Variants in SMYD3 observed in about 807,000 individuals in gnomAD.
SMYD3 encodes the protein SET and MYND domain containing 3.
A neutral mutation model predicts 57.7 loss-of-function variants in SMYD3; 36 were observed. The observed-to-expected ratio is 0.62, with a 90% CI of 0.48 to 0.82. The LOEUF (loss-of-function observed/expected upper bound fraction) is 0.82. Among genes scored for constraint, SMYD3 ranks in the 40% least tolerant of loss-of-function variants. SMYD3 has a pLI of 0.00. For missense variants in SMYD3, 515 were observed against 538.8 expected (o/e 0.96, Z 0.44); for synonymous variants, 211 against 195.0 (o/e 1.08, Z -0.68).
At chr1:246,333,477 G>A (rs769705198) in intron 3 of SMYD3, among the ~76,000 whole-genome samples, 1 of 152,246 alleles carries the variant, frequency 6.6e-6, no homozygotes, top group Admixed American at 6.5e-5. Context: ...TTACAGAATC[G>A]AAGAAAATAT....
intron 5 of SMYD3, among the ~76,000 whole-genome samples, chr1:246,200,657 C>T (rs529874140): frequency 3.3e-5 from 5 of 152,236 alleles, no homozygotes; most frequent in Non-Finnish European, 5.9e-5. Context: ...CAAGAATGTA[C>T]ACAGACGCCC....
chr1:246,248,583 A>AGC (rs2063745531), intron 5 of SMYD3, among the ~76,000 whole-genome samples: 1 of 148,724 alleles, frequency 6.7e-6, no homozygotes. Flanking sequence ...GTCTGAGTGT[A>AGC]GCTCCATCTA....
rs557531066 is a variant in SMYD3, at chr1:246,063,206, A to G, written c.532-133269T>C. On this transcript the variant is annotated intron_variant, in intron 5 of 11. Transcript: ENST00000490107. ...GAGAAGTCTGTGGAAACAGAGTGGG[A>G]GCCTCCAAGGGCCTTCCCCCAGGGA... is the stretch of plus-strand genomic sequence containing the variant. Among the ~76,000 whole-genome samples the G allele has an allele frequency of 4.6e-5, 7 of 152,306 alleles. No individual in the cohort carries two copies. In the East Asian group the frequency reaches 1.4e-3, roughly 29 times the overall value.
intron 5 of SMYD3, among the ~76,000 whole-genome samples, chr1:246,278,247 A>G (rs2064373093): frequency 6.6e-6 from 1 of 151,618 alleles, no homozygotes; most frequent in South Asian, 2.1e-4. Context: ...TTTAAGAAAA[A>G]AAAAAAAGCT....
chr1:246,276,478 G>C (rs1332840612), intron 5 of SMYD3, among the ~76,000 whole-genome samples: 9 of 134,850 alleles, frequency 6.7e-5, no homozygotes, highest in South Asian at 4.8e-4. Flanking sequence ...TTTAATGTCT[G>C]TAGTGGAGTC....
rs746439301 is a variant in SMYD3 at position 245,858,572 on chromosome 1, C to T, written c.1000G>A (p.Ala334Thr). 2.2e-5 allele frequency: 35 copies of T among 1,614,068 alleles called. No homozygotes were observed. Among genetic ancestry groups the T allele is most frequent in the South Asian group, 4.4e-5 (4 of 91,088 alleles). ...NIYQLKVLDC[A>T]MDACINLGLL... ...CCGAGGTTGATGCAGGCATCCATGG[C>T]GCAGTCGAGCACCTTCAGCTGGTAG... Residue 334 changes from alanine (A) to threonine (T), a missense_variant, in exon 10 of 12, where the codon GCC becomes ACC. Transcript: ENST00000490107.
At chr1:245,833,076 C>CAAAAAAAAAAAAAA (rs2049940389) in intron 10 of SMYD3, among the ~76,000 whole-genome samples, 1 of 82,510 alleles carries the variant, frequency 1.2e-5, no homozygotes. Context: ...AAAAAAAAAA[C>CAAAAAAAAAAAAAA]CTGCTTTTAT....
At chr1:246,504,156 TA>T (rs1194709619) in intron 1 of SMYD3, among the ~76,000 whole-genome samples, 6 of 152,042 alleles carry the variant, frequency 3.9e-5, no homozygotes, top group Non-Finnish European at 8.8e-5. Flanking sequence ...TATACAGAAC[TA>T]AAGCTACTAA....
intron 1 of SMYD3, among the ~76,000 whole-genome samples, chr1:246,430,178 C>T (rs1378403498): frequency 6.6e-6 from 1 of 151,982 alleles, no homozygotes; most frequent in Admixed American, 6.6e-5. Context: ...ATATGACTGG[C>T]AAGTACTAAA....
intron 10 of SMYD3, among the ~76,000 whole-genome samples, chr1:245,830,426 G>A (rs2049766562): frequency 6.6e-6 from 1 of 152,148 alleles, no homozygotes. Flanking sequence ...GAACAGTATG[G>A]GGGAAACTGC....
chr1:246,002,594 AGGCGCCCGCCACCACGCCC>A, intron 5 of SMYD3, among the ~76,000 whole-genome samples: 1 of 131,710 alleles, frequency 7.6e-6, no homozygotes, highest in Non-Finnish European at 1.6e-5. Flanking sequence ...CTGGGATTAC[AGGCGCCCGCCACCACGCCC>A]GGCTAATTTT....
chr1:246,378,303 G>T (rs867342873), intron 1 of SMYD3, among the ~76,000 whole-genome samples: 2 of 152,238 alleles, frequency 1.3e-5, no homozygotes, highest in South Asian at 4.1e-4. Context: ...TGGATTGAAG[G>T]ATTGATCCTG....
intron 5 of SMYD3, among the ~76,000 whole-genome samples, chr1:246,112,219 T>G (rs903143794): frequency 6.6e-6 from 1 of 152,208 alleles, no homozygotes; most frequent in African/African-American, 2.4e-5. Flanking sequence ...TCTATACTTA[T>G]GAGCTAATTC....
intron 5 of SMYD3, among the ~76,000 whole-genome samples, chr1:246,091,377 G>C (rs774018295): frequency 2.0e-5 from 3 of 151,452 alleles, no homozygotes; most frequent in Admixed American, 6.6e-5. Flanking sequence ...TTCCTATGTA[G>C]TTTCCTCCTT....
chr1:246,215,312 C>A (rs895729569), intron 5 of SMYD3, among the ~76,000 whole-genome samples: 2 of 152,096 alleles, frequency 1.3e-5, no homozygotes, highest in Non-Finnish European at 2.9e-5. Flanking sequence ...TCCTACTGAG[C>A]TGCTGTGAAG....
chr1:246,073,327 G>A (rs2060489550), intron 5 of SMYD3, among the ~76,000 whole-genome samples: 1 of 152,112 alleles, frequency 6.6e-6, no homozygotes, highest in South Asian at 2.1e-4. Context: ...TTTTAAAATT[G>A]TAACAAATGT....
chr1:246,142,350 AT>A (rs558352997), intron 5 of SMYD3, among the ~76,000 whole-genome samples: 26 of 150,030 alleles, frequency 1.7e-4, no homozygotes, highest in African/African-American at 3.4e-4. Context: ...ACCTCAGCGT[AT>A]TTTTTTTTTC....
intron 1 of SMYD3, among the ~76,000 whole-genome samples, chr1:246,493,885 C>T (rs1037903188): frequency 2.0e-5 from 3 of 152,194 alleles, no homozygotes; most frequent in African/African-American, 7.2e-5. Flanking sequence ...CAGCACTCAC[C>T]CTTCACTGCT....
chr1:245,903,947 C>T (rs534534915), intron 8 of SMYD3, among the ~76,000 whole-genome samples: 33 of 152,310 alleles, frequency 2.2e-4, no homozygotes, highest in Non-Finnish European at 3.1e-4. Context: ...ACATTTTCCC[C>T]GCTGTCTTGG....
Sources: gnomAD v4.1 joint callset for allele counts (sites outside exome capture counted in the v4.1 genomes callset) on GRCh38, gnomAD v4.1.1 for gene constraint, MANE v1.5 for transcripts, NCBI Gene and HGNC (gene_info 2026-07-23, HGNC 2026-07-21) for gene names.